PRDM8: variants seen among roughly 807,000 people sequenced by gnomAD.
PRDM8 encodes the protein PR domain zinc finger protein 8.
In PRDM8, 13 loss-of-function variants were observed where a neutral mutation model predicts 46.5. The observed-to-expected ratio is 0.28, with a 90% confidence interval of 0.18 to 0.44. The LOEUF is 0.44. Ranked by LOEUF, PRDM8 falls within the 20% of genes least tolerant of loss-of-function variation. The pLI is 1.00. For synonymous variants in PRDM8, 473 were observed against 438.4 expected (o/e 1.08, Z -0.98); for missense variants, 998 against 955.0 (o/e 1.04, Z -0.59).
Position 80,202,041 on chromosome 4 carries a change from A to C in PRDM8, c.579A>C (p.Gln193His). ...CTGATATAAGTCCCCAAGACGAACA[A>C]GGCGGCGGCGTGGGCACCAAGGACC... ...HSADISPQDE[Q>H]GGGVGTKDHG... The change falls in exon 4 of 4, where the codon CAA (glutamine) becomes CAC (histidine). Residue 193 changes from glutamine (Q) to histidine (H), a missense_variant. Gln to His is a conservative substitution (Grantham distance 24). Transcript: ENST00000415738. The C allele has an allele frequency of 6.2e-7, 1 of 1,614,066 alleles. No homozygotes were observed. Among genetic ancestry groups the C allele is most frequent in the African/African-American group, 1.3e-5 (1 of 75,036 alleles).
Position 80,203,302 on chromosome 4 carries a change from C to T in PRDM8, c.1840C>T (p.Pro614Ser), listed in dbSNP as rs896677121. Residue 614 changes from proline (P) to serine (S), a missense_variant, in exon 4 of 4, where the codon CCC (proline) becomes TCC (serine). Transcript: ENST00000415738. ...QLPSALTLLPPSFTSLCLPAQ... is the reference protein window; with the variant it reads ...QLPSALTLLPSSFTSLCLPAQ... ...GCCCTCGGCGCTCACGCTGCTGCCG[C>T]CCTCCTTCACCTCGCTGTGTCTGCC... 8 of 1,611,180 alleles carry T rather than the reference C, an allele frequency of 5.0e-6. No homozygotes were observed. The highest frequency in any genetic ancestry group is 1.3e-5 in the African/African-American group (1 of 74,816).
intron 1 of PRDM8, among the ~76,000 whole-genome samples, chr4:80,189,230 G>A (rs1737356145): frequency 1.3e-5 from 2 of 152,156 alleles, no homozygotes; most frequent in Admixed American, 1.3e-4. Flanking sequence ...CTCATCCTAC[G>A]GAGTCGCCCG....
chr4:80,189,626 A>T (rs1401978416), intron 1 of PRDM8: 2 of 152,240 alleles, frequency 1.3e-5, no homozygotes, highest in Admixed American at 6.5e-5. Flanking sequence ...ATGGGCATTT[A>T]GTATGTACCA....
intron 1 of PRDM8, among the ~76,000 whole-genome samples, chr4:80,186,430 G>GGAGAAAGAGAGAGAGAGA (rs1737083409): frequency 7.7e-6 from 1 of 129,920 alleles, no homozygotes; most frequent in Admixed American, 7.9e-5. Context: ...AAGGCAGGGT[G>GGAGAAAGAGAGAGAGAGA]GAGAGAGAGA....
rs768703640 is a variant in PRDM8, at chr4:80,203,128, A to C, written c.1666A>C (p.Asn556His). The change falls in exon 4 of 4, where the codon AAC becomes CAC. Residue 556 changes from asparagine to histidine, a missense_variant. Physicochemically the swap from Asn to His is moderately conservative, Grantham distance 68. Coordinates refer to ENST00000415738, the MANE Select transcript of PRDM8 (RefSeq NM_001099403.2). ...AVKLQGAADL[N>H]GGCGSLPSGG... ...GAAGCTCCAGGGGGCCGCGGACCTG[A>C]ACGGAGGTTGCGGGTCCCTGCCGAG... 8 of 1,563,660 alleles carry C rather than the reference A, an allele frequency of 5.1e-6. No homozygotes were observed. The Admixed American group carries it at 1.3e-4, about 25-fold the overall frequency.
At position 80,203,250 on chromosome 4, in the gene PRDM8, G is replaced by A. The variant is rs752184496; in HGVS notation, c.1788G>A (p.Ala596=). 7 of 1,557,220 alleles carry A rather than the reference G, an allele frequency of 4.5e-6. No homozygotes were observed. In the South Asian group the frequency reaches 5.8e-5, roughly 13 times the overall value. The change falls in exon 4 of 4, where the codon GCG becomes GCA. Residue 596 remains alanine (A), a synonymous_variant. Transcript: ENST00000415738. ...CCGCTGCAGCCGCGGCTGCGGCGGC[G>A]GCCGCGGGGCCCTTGCAGCTGCAGC... ...SAAAAAAAAA[A]AAGPLQLQLP... is the part of the protein sequence containing the mutation.
Position 80,204,160 on chromosome 4 carries a change from A to G in PRDM8, c.*628A>G, listed in dbSNP as rs1466717192. ...TGGACTTCAATGAAGAATGTCATCA[A>G]TTATGTACATATGTATTTTCTTTTA... On this transcript the variant is annotated 3_prime_UTR_variant, in exon 4 of 4. Coordinates refer to ENST00000415738, the MANE Select transcript of PRDM8 (RefSeq NM_001099403.2). 6.5e-6 allele frequency: 1 copy of G among 152,680 alleles called. No homozygotes were observed. The highest frequency in any genetic ancestry group is 2.4e-5 in the African/African-American group (1 of 41,458). The allele number at this position is 152,680 out of a possible 1,614,324, so 9.5% of individuals were successfully genotyped here.
At chr4:80,200,521 T>C (rs915395754) in intron 2 of PRDM8, among the ~76,000 whole-genome samples, 7 of 152,242 alleles carry the variant, frequency 4.6e-5, no homozygotes, top group African/African-American at 1.4e-4. Flanking sequence ...TTTGGAATGT[T>C]AGAAATATCT....
intron 2 of PRDM8, among the ~76,000 whole-genome samples, chr4:80,201,040 T>C (rs1198225581): frequency 6.6e-6 from 1 of 152,198 alleles, no homozygotes; most frequent in Non-Finnish European, 1.5e-5. Context: ...ATTCAACCAA[T>C]ATATAAAAAC....
At chr4:80,197,300 C>T, upstream of PRDM8, 2 of 972,772 alleles carry the variant, frequency 2.1e-6, no homozygotes, top group Non-Finnish European at 2.4e-6. Context: ...CGGGCCGGGA[C>T]GCTCTCTGAG....
At chr4:80,187,249 C>CGAG (rs1737183015) in intron 1 of PRDM8, among the ~76,000 whole-genome samples, 1 of 121,638 alleles carries the variant, frequency 8.2e-6, no homozygotes, top group African/African-American at 2.9e-5. Flanking sequence ...TGCCCTGGGG[C>CGAG]GGGGGGAAGC....
chr4:80,203,467 C>G lies in PRDM8; in HGVS notation c.2005C>G (p.Pro669Ala). 1 of 1,613,494 alleles carries G rather than the reference C, an allele frequency of 6.2e-7. No homozygotes were observed. Among genetic ancestry groups the G allele is most frequent in the Non-Finnish European group, 8.5e-7 (1 of 1,179,810 alleles). ...GCGGCGAGAGGAGAAACTCAAGTGC[C>G]CCATCTGCAATGAGTCCTTCAGGGA... ...KRRREEKLKC[P>A]ICNESFRERH... Residue 669 changes from proline to alanine, a missense_variant, in exon 4 of 4, where the codon CCC (proline) becomes GCC (alanine). Pro to Ala is a conservative substitution (Grantham distance 27, BLOSUM62 -1). Coordinates refer to ENST00000415738, the MANE Select transcript of PRDM8 (RefSeq NM_001099403.2).
chr4:80,200,302 A>G lies in PRDM8; in HGVS notation c.219+3A>G. 6.2e-7 allele frequency: 1 copy of G among 1,604,582 alleles called. No individual in the cohort carries two copies. Among genetic ancestry groups the G allele is most frequent in the East Asian group, 2.2e-5 (1 of 44,844 alleles). On this transcript the variant is annotated splice_donor_region_variant and intron_variant, in intron 2 of 3. Transcript: ENST00000415738. ...GAACAGTACCGTATATCTTTCGGGT[A>G]AGTCTCCACTGTAGCTGTGTAGGTG...
At position 80,203,725 on chromosome 4, in the gene PRDM8, A is replaced by G; in HGVS notation, c.*193A>G. 1 of 621,832 alleles carries G rather than the reference A, an allele frequency of 1.6e-6. No individual in the cohort carries two copies. Among genetic ancestry groups the G allele is most frequent in the Non-Finnish European group, 2.5e-6 (1 of 402,566 alleles). The allele number at this position is 621,832 out of a possible 1,614,324, so 38.5% of individuals were successfully genotyped here. ...TCCCAGGAACCTCATTCAAATATTT[A>G]CCCGGGACACACACCCCCCCCCACA... On this transcript the variant is annotated 3_prime_UTR_variant, in exon 4 of 4. Coordinates refer to ENST00000415738, the MANE Select transcript of PRDM8 (RefSeq NM_001099403.2).
At chr4:80,188,686 C>T (rs1737306488) in intron 1 of PRDM8, among the ~76,000 whole-genome samples, 1 of 152,228 alleles carries the variant, frequency 6.6e-6, no homozygotes, top group Admixed American at 6.5e-5. Flanking sequence ...ACCGCTATTA[C>T]CTGATCCCCA....
chr4:80,197,887 C>G (rs1000585322), intron 1 of PRDM8, 124 bp downstream of exon 1: 2 of 832,956 alleles, frequency 2.4e-6, no homozygotes, highest in African/African-American at 3.7e-5. Flanking sequence ...TCTTGAGGGG[C>G]TGTCTACTGC....
chr4:80,194,124 C>A, upstream of PRDM8: 1 of 760,028 alleles, frequency 1.3e-6, no homozygotes, highest in Non-Finnish European at 1.6e-6. Context: ...TCATAAAAGC[C>A]ACCTGGGGTG....
Position 80,203,198 on chromosome 4 carries a change from C to G in PRDM8, c.1736C>G (p.Thr579Ser). ...AAGCAGAGCCCCTTCCTGTACGCCACCGCCTTCTGGCCCAAGAGCTCCGCT... is the reference window on the plus strand; with the variant it reads ...AAGCAGAGCCCCTTCCTGTACGCCAGCGCCTTCTGGCCCAAGAGCTCCGCT... ...LPKQSPFLYA[T>S]AFWPKSSAAA... The change falls in exon 4 of 4, where the codon ACC becomes AGC. Residue 579 changes from threonine to serine, a missense_variant. Coordinates refer to ENST00000415738, the MANE Select transcript of PRDM8 (RefSeq NM_001099403.2). 6.4e-7 allele frequency: 1 copy of G among 1,551,006 alleles called. No homozygotes were observed. The highest frequency in any genetic ancestry group is 8.7e-7 in the Non-Finnish European group (1 of 1,150,898).
rs1421431609 is a variant in PRDM8 at position 80,202,110 on chromosome 4, G to T, written c.648G>T (p.Gln216His). The change falls in exon 4 of 4, where the codon CAG (glutamine) becomes CAT (histidine). Residue 216 changes from glutamine (Q) to histidine (H), a missense_variant. Physicochemically the swap from Gln to His is conservative, Grantham distance 24. Transcript: ENST00000415738. ...GTGGCAAAGACCAGCAGCAGCAGCAGCAGGAGGCACCTTTAGGCCCGGGTC... is the reference window on the plus strand; with the variant it reads ...GTGGCAAAGACCAGCAGCAGCAGCATCAGGAGGCACCTTTAGGCCCGGGTC... ...GGGGKDQQQQ[Q>H]QEAPLGPGPK... 1 of 1,609,878 alleles carries T rather than the reference G, an allele frequency of 6.2e-7. No individual in the cohort carries two copies. Among genetic ancestry groups the T allele is most frequent in the Non-Finnish European group, 8.5e-7 (1 of 1,178,764 alleles).
Sources: allele counts gnomAD v4.1 joint callset (sites outside exome capture counted in the v4.1 genomes callset), GRCh38; gene constraint gnomAD v4.1.1; transcripts MANE v1.5; gene names NCBI Gene and HGNC (gene_info 2026-07-23, HGNC 2026-07-21).